The following DPP6 variants were observed in gnomAD, a reference collection of about 807,000 sequenced individuals.
DPP6 encodes the protein A-type potassium channel modulatory protein DPP6.
A neutral mutation model predicts 122.6 loss-of-function variants in DPP6; 69 were observed. The ratio of observed to expected loss-of-function variants is 0.56; its 90% CI spans 0.46 to 0.69. DPP6 has a LOEUF of 0.69. Ranked by LOEUF, DPP6 falls within the 30% of genes least tolerant of loss-of-function variation. The pLI is 0.00. For missense variants in DPP6, 928 were observed against 1,116.9 expected (o/e 0.83, Z 2.41); for synonymous variants, 418 against 433.1 (o/e 0.97, Z 0.43).
At chr7:154,339,865 G>A (rs1314435640) in intron 1 of DPP6, among the ~76,000 whole-genome samples, 1 of 152,080 alleles carries the variant, frequency 6.6e-6, no homozygotes, top group African/African-American at 2.4e-5. Context: ...ACGAGGTCAG[G>A]AGTTCAAAAC....
At chr7:154,659,902 T>G (rs1368558775) in intron 6 of DPP6, among the ~76,000 whole-genome samples, 1 of 152,240 alleles carries the variant, frequency 6.6e-6, no homozygotes, top group African/African-American at 2.4e-5. Flanking sequence ...TTGTTTCTCT[T>G]GATTTTCATG....
chr7:154,646,656 ATG>A (rs1186844834), intron 6 of DPP6, among the ~76,000 whole-genome samples: 1 of 150,626 alleles, frequency 6.6e-6, no homozygotes, highest in African/African-American at 2.4e-5. Flanking sequence ...TTCCATATCC[ATG>A]TATTGCTTGA....
chr7:154,291,829 C>A (rs935217461), intron 1 of DPP6, among the ~76,000 whole-genome samples: 1 of 152,194 alleles, frequency 6.6e-6, no homozygotes, highest in Non-Finnish European at 1.5e-5. Context: ...TGAACCTAGG[C>A]ATGGACATTT....
intron 1 of DPP6, among the ~76,000 whole-genome samples, chr7:154,010,459 A>C (rs1798108897): frequency 6.6e-6 from 1 of 152,230 alleles, no homozygotes; most frequent in Non-Finnish European, 1.5e-5. Flanking sequence ...AACGAGAATT[A>C]TTTATTTATC....
At chr7:154,718,129 T>G (rs1841595683) in intron 7 of DPP6, among the ~76,000 whole-genome samples, 2 of 152,228 alleles carry the variant, frequency 1.3e-5, no homozygotes, top group South Asian at 4.1e-4. Flanking sequence ...TTGTTTGAGT[T>G]CCTTATGTAT....
intron 2 of DPP6, among the ~76,000 whole-genome samples, chr7:154,455,101 T>C (rs1820712513): frequency 6.6e-6 from 1 of 152,178 alleles, no homozygotes; most frequent in Admixed American, 6.5e-5. Flanking sequence ...GACAACATGG[T>C]TGTGACGGCT....
chr7:154,056,377 T>C (rs1016921428), intron 1 of DPP6, among the ~76,000 whole-genome samples: 22 of 152,340 alleles, frequency 1.4e-4, no homozygotes, highest in Admixed American at 7.8e-4. Flanking sequence ...CTTAAAGGAA[T>C]TGTTGCTGGA....
intron 5 of DPP6, among the ~76,000 whole-genome samples, chr7:154,582,517 G>A (rs1050606757): frequency 2.6e-5 from 4 of 152,188 alleles, no homozygotes; most frequent in South Asian, 2.1e-4. Context: ...CCCTCACCTC[G>A]CCTGCTTCCC....
At chr7:154,343,839 C>A (rs1490482996) in intron 1 of DPP6, among the ~76,000 whole-genome samples, 1 of 152,144 alleles carries the variant, frequency 6.6e-6, no homozygotes, top group Non-Finnish European at 1.5e-5. Context: ...CCTTGGCCTC[C>A]CACAGTGCTG....
At chr7:153,807,317 C>G in the DPP6 span, among the ~76,000 whole-genome samples, 1 of 151,558 alleles carries the variant, frequency 6.6e-6, no homozygotes, top group Non-Finnish European at 1.5e-5. Context: ...GCAGGAGAAT[C>G]GCTTGAACCA....
intron 1 of DPP6, among the ~76,000 whole-genome samples, chr7:153,980,258 C>A (rs4725517): frequency 1.8e-4 from 27 of 152,026 alleles, no homozygotes; most frequent in African/African-American, 6.5e-4. Flanking sequence ...TTGACTTCTT[C>A]GTGGTTTAGT....
intron 1 of DPP6, chr7:154,095,183 A>G (rs1360401148): frequency 6.6e-6 from 1 of 150,448 alleles, no homozygotes; most frequent in Non-Finnish European, 1.5e-5. Flanking sequence ...TGGGATCCAC[A>G]TCTGTGAGCA....
chr7:154,559,417 C>T (rs906930847), intron 4 of DPP6, among the ~76,000 whole-genome samples: 4 of 148,426 alleles, frequency 2.7e-5, no homozygotes, highest in African/African-American at 9.9e-5. Flanking sequence ...ATATACCTGT[C>T]ATTAAAGTTC....
At chr7:154,063,733 C>CA (rs1563160916) in intron 1 of DPP6, among the ~76,000 whole-genome samples, 1 of 151,248 alleles carries the variant, frequency 6.6e-6, no homozygotes, top group Non-Finnish European at 1.5e-5. Flanking sequence ...CCTCTTCCCC[C>CA]CCGGCTTAGG....
At chr7:154,537,588 G>C (rs941462109) in intron 3 of DPP6, among the ~76,000 whole-genome samples, 8 of 152,114 alleles carry the variant, frequency 5.3e-5, no homozygotes, top group Non-Finnish European at 1.0e-4. Context: ...TACTGGGAAG[G>C]CTGAGGCAAG....
intron 1 of DPP6, among the ~76,000 whole-genome samples, chr7:154,116,833 T>A (rs1262370851): frequency 6.6e-6 from 1 of 152,202 alleles, no homozygotes; most frequent in South Asian, 2.1e-4. Context: ...GTAATACAAT[T>A]TTTTTAAAAG....
intron 5 of DPP6, among the ~76,000 whole-genome samples, chr7:154,616,375 A>G (rs1834256981): frequency 1.3e-5 from 2 of 152,210 alleles, no homozygotes; most frequent in Non-Finnish European, 2.9e-5. Context: ...TGTCTTCTGC[A>G]AACAGCTCAC....
At chr7:154,231,955 G>C (rs143872427) in intron 1 of DPP6, among the ~76,000 whole-genome samples, 2 of 152,156 alleles carry the variant, frequency 1.3e-5, no homozygotes, top group Admixed American at 6.5e-5. Context: ...GTGCTGCTTC[G>C]CATCCAGAGG....
intron 1 of DPP6, among the ~76,000 whole-genome samples, chr7:154,392,071 C>G (rs768393520): frequency 6.6e-6 from 1 of 152,126 alleles, no homozygotes; most frequent in Non-Finnish European, 1.5e-5. Flanking sequence ...CTCAGGAGTT[C>G]GAGACCAGCC....
Sources: allele counts gnomAD v4.1 joint callset (sites outside exome capture counted in the v4.1 genomes callset), GRCh38; gene constraint gnomAD v4.1.1; transcripts MANE v1.5; gene names NCBI Gene and HGNC (gene_info 2026-07-23, HGNC 2026-07-21).